The following TAFA1 variants were observed in gnomAD, a reference collection of about 807,000 sequenced individuals.
The protein encoded by TAFA1 is TAFA chemokine like family member 1.
TAFA1 carries 4 observed loss-of-function variants against 18.5 expected under a neutral mutation model. The ratio of observed to expected loss-of-function variants is 0.22; its 90% CI spans 0.11 to 0.49. The LOEUF is 0.49. Among genes scored for constraint, TAFA1 ranks in the 20% least tolerant of loss-of-function variants. The probability of loss-of-function intolerance (pLI) is 0.98; values close to 1 mark genes in which losing one functional copy is unlikely to be tolerated. For missense variants in TAFA1, 147 were observed against 169.0 expected (o/e 0.87, Z 0.72); for synonymous variants, 56 against 55.2 (o/e 1.01, Z -0.06).
chr3:68,013,024 CT>C (rs1300845286), intron 2 of TAFA1, among the ~76,000 whole-genome samples: 4 of 151,336 alleles, frequency 2.6e-5, no homozygotes, highest in East Asian at 3.9e-4. Flanking sequence ...TTTCCAGACA[CT>C]TTTTTTTTCG....
chr3:68,117,017 C>T (rs796777349), intron 2 of TAFA1, among the ~76,000 whole-genome samples: 1 of 152,106 alleles, frequency 6.6e-6, no homozygotes, highest in Non-Finnish European at 1.5e-5. Context: ...AAATGGCTAG[C>T]GTAGAGTGGG....
At chr3:68,477,966 G>A (rs1368679265) in intron 3 of TAFA1, among the ~76,000 whole-genome samples, 3 of 152,278 alleles carry the variant, frequency 2.0e-5, no homozygotes, top group Middle Eastern at 3.4e-3. Flanking sequence ...TAATGGCTTG[G>A]AAATCATTCC....
intron 2 of TAFA1, among the ~76,000 whole-genome samples, chr3:68,019,536 G>A (rs552392022): frequency 3.4e-4 from 52 of 152,196 alleles, no homozygotes; most frequent in Middle Eastern, 3.4e-3. Context: ...AGATTGTTTG[G>A]CATTTATCAT....
At chr3:68,497,116 C>T (rs1410902434) in intron 3 of TAFA1, among the ~76,000 whole-genome samples, 1 of 152,132 alleles carries the variant, frequency 6.6e-6, no homozygotes, top group Non-Finnish European at 1.5e-5. Flanking sequence ...TATAATACCA[C>T]CTTTTTTCTG....
chr3:68,542,827 G>A (rs953887664), intron 4 of TAFA1, among the ~76,000 whole-genome samples: 1 of 152,124 alleles, frequency 6.6e-6, no homozygotes, highest in Non-Finnish European at 1.5e-5. Context: ...TGTGGGAAGG[G>A]GGTAGAGGAA....
chr3:68,259,359 C>G (rs141091374), intron 2 of TAFA1, among the ~76,000 whole-genome samples: 2,595 of 152,274 alleles, frequency 0.017, 26 homozygotes, highest in Non-Finnish European at 0.027. Flanking sequence ...TGTCCCTTCA[C>G]AAGACATTGA....
chr3:68,403,252 G>A (rs1255698947), intron 2 of TAFA1, among the ~76,000 whole-genome samples: 1 of 152,168 alleles, frequency 6.6e-6, no homozygotes, highest in Admixed American at 6.6e-5. Context: ...ATATTCATTA[G>A]AAGTTACCTT....
intron 2 of TAFA1, among the ~76,000 whole-genome samples, chr3:68,121,654 T>C (rs916885941): frequency 2.0e-5 from 3 of 152,180 alleles, no homozygotes; most frequent in Admixed American, 6.5e-5. Context: ...TTATGTAGTG[T>C]TCATGGCTGA....
chr3:68,317,300 C>A (rs933546598), intron 2 of TAFA1, among the ~76,000 whole-genome samples: 1 of 152,156 alleles, frequency 6.6e-6, no homozygotes, highest in Non-Finnish European at 1.5e-5. Flanking sequence ...TAACAGACAA[C>A]TCCTATCTCA....
At chr3:68,141,578 G>C (rs2065667677) in intron 2 of TAFA1, among the ~76,000 whole-genome samples, 1 of 152,164 alleles carries the variant, frequency 6.6e-6, no homozygotes, top group South Asian at 2.1e-4. Flanking sequence ...ACCTAGGCCT[G>C]ATCAAATCAG....
chr3:68,423,535 G>C (rs2070997903), intron 3 of TAFA1, among the ~76,000 whole-genome samples: 1 of 152,086 alleles, frequency 6.6e-6, no homozygotes, highest in Admixed American at 6.6e-5. Context: ...CAACCATGTG[G>C]ATACTTACAG....
intron 2 of TAFA1, among the ~76,000 whole-genome samples, chr3:68,408,003 A>G (rs575935466): frequency 6.0e-4 from 91 of 152,160 alleles, no homozygotes; most frequent in Admixed American, 1.6e-3. Flanking sequence ...GGGTCAATAA[A>G]GCATTTTTAA....
chr3:68,331,886 C>T (rs1265968357), intron 2 of TAFA1, among the ~76,000 whole-genome samples: 8 of 60,340 alleles, frequency 1.3e-4, no homozygotes, highest in Non-Finnish European at 2.0e-4. Context: ...TTTTTTGAGA[C>T]GGAGTCTCGC....
chr3:68,418,356 G>A (rs548078336), intron 3 of TAFA1, among the ~76,000 whole-genome samples: 1 of 152,122 alleles, frequency 6.6e-6, no homozygotes, highest in South Asian at 2.1e-4. Flanking sequence ...AAGGTGCTCA[G>A]TGGGGGAGCT....
At chr3:68,344,346 C>T (rs752404874) in intron 2 of TAFA1, among the ~76,000 whole-genome samples, 5 of 152,184 alleles carry the variant, frequency 3.3e-5, no homozygotes, top group Admixed American at 6.5e-5. Flanking sequence ...TAAGGTACCA[C>T]ATGACCTTAC....
At chr3:68,462,362 A>G (rs2071800405) in intron 3 of TAFA1, among the ~76,000 whole-genome samples, 2 of 152,016 alleles carry the variant, frequency 1.3e-5, no homozygotes, top group African/African-American at 4.8e-5. Context: ...CATGATAGTA[A>G]GTCTCATGAG....
chr3:68,341,984 G>T (rs185972882), intron 2 of TAFA1, among the ~76,000 whole-genome samples: 1 of 152,266 alleles, frequency 6.6e-6, no homozygotes, highest in Admixed American at 6.5e-5. Context: ...TTGAATGAAG[G>T]CACGTTTGAA....
At chr3:68,464,659 G>A (rs1014770480) in intron 3 of TAFA1, among the ~76,000 whole-genome samples, 1 of 152,116 alleles carries the variant, frequency 6.6e-6, no homozygotes, top group African/African-American at 2.4e-5. Flanking sequence ...CTAGGCAATG[G>A]CACATTTTTG....
chr3:68,016,921 T>C (rs911050638), intron 2 of TAFA1, among the ~76,000 whole-genome samples: 3 of 152,210 alleles, frequency 2.0e-5, no homozygotes, highest in Non-Finnish European at 2.9e-5. Context: ...ACAAATTTTC[T>C]TCTAAGTATT....
Sources: allele counts gnomAD v4.1 joint callset (sites outside exome capture counted in the v4.1 genomes callset), GRCh38; gene constraint gnomAD v4.1.1; transcripts MANE v1.5; gene names NCBI Gene and HGNC (gene_info 2026-07-23, HGNC 2026-07-21).